Variants in CRADD observed in about 807,000 individuals in gnomAD.
CRADD encodes the protein CARD and death domain containing adaptor protein, also known as death domain-containing protein CRADD.
In CRADD, 9 loss-of-function variants were observed where a neutral mutation model predicts 15.5. The ratio of observed to expected loss-of-function variants is 0.58; its 90% confidence interval spans 0.35 to 1.01. The LOEUF is 1.01. CRADD is among the 50% of genes least tolerant of loss of function. CRADD has a pLI of 0.02. For synonymous variants in CRADD, 118 were observed against 107.6 expected, an observed-to-expected ratio of 1.10 and a Z score of -0.60; for missense variants, 227 against 250.3, an observed-to-expected ratio of 0.91 and a Z score of 0.63.
At chr12:93,815,940 A>T (rs985943603) in intron 2 of CRADD, 9 of 152,218 alleles carry the variant, frequency 5.9e-5, no homozygotes, top group Admixed American at 2.6e-4. Context: ...AATAAGGATA[A>T]ACCATGAGGA....
chr12:93,698,827 A>G (rs976300839), intron 2 of CRADD, among the ~76,000 whole-genome samples: 2 of 152,328 alleles, frequency 1.3e-5, no homozygotes, highest in South Asian at 4.1e-4. Context: ...ATGAAATGCA[A>G]ATTTCAGTGT....
At chr12:93,705,780 T>A (rs1245002840) in intron 2 of CRADD, among the ~76,000 whole-genome samples, 1 of 152,268 alleles carries the variant, frequency 6.6e-6, no homozygotes, top group African/African-American at 2.4e-5. Flanking sequence ...AAATTCTTGT[T>A]GAACTTTCAT....
intron 2 of CRADD, among the ~76,000 whole-genome samples, chr12:93,865,839 T>G (rs1958362945): frequency 6.6e-6 from 1 of 152,138 alleles, no homozygotes. Context: ...TTTCAGTATA[T>G]TTTTGATTCA....
chr12:93,774,450 A>G (rs1957120565), intron 2 of CRADD, among the ~76,000 whole-genome samples: 1 of 152,114 alleles, frequency 6.6e-6, no homozygotes, highest in African/African-American at 2.4e-5. Context: ...CAGAACTTGA[A>G]CCCACTTTCC....
At chr12:93,889,677 G>C (rs1417636244) in intron 2 of CRADD, among the ~76,000 whole-genome samples, 1 of 152,176 alleles carries the variant, frequency 6.6e-6, no homozygotes, top group Non-Finnish European at 1.5e-5. Flanking sequence ...TCAGGCCCCA[G>C]CTGCTCAAAG....
chr12:93,703,349 TTTTCTTTTTC>T (rs1341038518), intron 2 of CRADD, among the ~76,000 whole-genome samples: 1 of 150,978 alleles, frequency 6.6e-6, no homozygotes, highest in African/African-American at 2.5e-5. Context: ...TTTACTTTCT[TTTTCTTTTTC>T]TTTTTTTTTT....
chr12:93,829,591 A>T (rs1957866644), intron 2 of CRADD, among the ~76,000 whole-genome samples: 1 of 152,188 alleles, frequency 6.6e-6, no homozygotes, highest in Non-Finnish European at 1.5e-5. Flanking sequence ...TACGGGCCAA[A>T]TTCAGTCCAT....
At chr12:93,781,897 A>G (rs1356864740) in intron 2 of CRADD, among the ~76,000 whole-genome samples, 1 of 152,238 alleles carries the variant, frequency 6.6e-6, no homozygotes, top group Non-Finnish European at 1.5e-5. Context: ...ACTGTTAAGT[A>G]CTGTAAACTA....
intron 2 of CRADD, among the ~76,000 whole-genome samples, chr12:93,843,290 C>T (rs1290064408): frequency 6.6e-6 from 1 of 152,022 alleles, no homozygotes; most frequent in Non-Finnish European, 1.5e-5. Flanking sequence ...TCCTAAGCTT[C>T]AGTCATTTGG....
At chr12:93,678,458 A>G (rs1382149538) in intron 1 of CRADD, among the ~76,000 whole-genome samples, 2 of 152,130 alleles carry the variant, frequency 1.3e-5, no homozygotes, top group Non-Finnish European at 2.9e-5. Context: ...TTGCTTGTTC[A>G]GAAGGGTCTC....
intron 2 of CRADD, among the ~76,000 whole-genome samples, chr12:93,892,032 A>G (rs1357017852): frequency 6.6e-6 from 1 of 152,226 alleles, no homozygotes; most frequent in African/African-American, 2.4e-5. Context: ...ACCCTGTGAG[A>G]TAGACAGGTG....
chr12:93,678,832 G>A lies in CRADD; in HGVS notation c.58G>A (p.Val20Ile), dbSNP rs1431583082. Residue 20 changes from valine to isoleucine, a missense_variant, in exon 2 of 3, where the codon GTA becomes ATA. Physicochemically the swap from Val to Ile is conservative, Grantham distance 29 (BLOSUM62 3). Coordinates refer to ENST00000332896, the MANE Select transcript of CRADD (RefSeq NM_003805.5). ...ACTTCGCCTGGAGCTGGGTGCAGAGGTATTGGTGGAGGGACTGGTTCTTCA... is the reference window on the plus strand; with the variant it reads ...ACTTCGCCTGGAGCTGGGTGCAGAGATATTGGTGGAGGGACTGGTTCTTCA... ...RSLRLELGAEVLVEGLVLQYL... is the reference protein window; with the variant it reads ...RSLRLELGAEILVEGLVLQYL... The A allele has an allele frequency of 6.2e-7, 1 of 1,614,218 alleles. No individual in the cohort carries two copies. The highest frequency in any genetic ancestry group is 1.7e-5 in the Admixed American group (1 of 60,028).
chr12:93,784,027 A>T (rs1001955123), intron 2 of CRADD, among the ~76,000 whole-genome samples: 1 of 152,152 alleles, frequency 6.6e-6, no homozygotes, highest in Admixed American at 6.6e-5. Flanking sequence ...TGCAGGGTGC[A>T]CGGGGTTCAC....
At chr12:93,700,587 T>C (rs748607105) in intron 2 of CRADD, among the ~76,000 whole-genome samples, 1 of 151,944 alleles carries the variant, frequency 6.6e-6, no homozygotes, top group African/African-American at 2.4e-5. Context: ...CCCACCACCA[T>C]GCCCGGCTAA....
intron 2 of CRADD, among the ~76,000 whole-genome samples, chr12:93,820,253 A>G (rs866833606): frequency 6.6e-6 from 1 of 152,206 alleles, no homozygotes; most frequent in Non-Finnish European, 1.5e-5. Context: ...CTAGCTTGCC[A>G]TCTTGGTTTA....
Position 93,678,764 on chromosome 12 carries a change from T to C in CRADD, c.-6-5T>C. ...AATTTGAGCTGTGATTTTGGCTCTT[T>C]CCAGGGAGAAATGGAGGCCAGAGAC... On this transcript the variant is annotated splice_region_variant and splice_polypyrimidine_tract_variant and intron_variant, in intron 1 of 2. Coordinates refer to ENST00000332896, the MANE Select transcript of CRADD (RefSeq NM_003805.5). 6.2e-7 allele frequency: 1 copy of C among 1,606,864 alleles called. No individual in the cohort carries two copies. Among genetic ancestry groups the C allele is most frequent in the African/African-American group, 1.3e-5 (1 of 74,764 alleles).
chr12:93,865,031 G>A (rs748329452), intron 2 of CRADD, among the ~76,000 whole-genome samples: 4 of 152,212 alleles, frequency 2.6e-5, no homozygotes, highest in Non-Finnish European at 5.9e-5. Flanking sequence ...ACTCAGGTTT[G>A]CAATGTTTGC....
At chr12:93,736,920 A>C (rs1592947270) in intron 2 of CRADD, among the ~76,000 whole-genome samples, 1 of 152,250 alleles carries the variant, frequency 6.6e-6, no homozygotes, top group Admixed American at 6.5e-5. Context: ...AAGGCACTGG[A>C]GATACAAATA....
At chr12:93,693,348 A>T (rs1378275461) in intron 2 of CRADD, among the ~76,000 whole-genome samples, 5 of 152,162 alleles carry the variant, frequency 3.3e-5, no homozygotes, top group African/African-American at 9.6e-5. Flanking sequence ...TCCACAAAAG[A>T]TTCACTTCCT....
Sources: gnomAD v4.1 joint callset for allele counts (sites outside exome capture counted in the v4.1 genomes callset) on GRCh38, gnomAD v4.1.1 for gene constraint, MANE v1.5 for transcripts, NCBI Gene and HGNC (gene_info 2026-07-23, HGNC 2026-07-21) for gene names.